KLHL1: variants seen among roughly 807,000 people sequenced by gnomAD.
KLHL1 encodes the protein kelch like family member 1.
KLHL1 carries 47 observed loss-of-function variants against 77.7 expected under a neutral mutation model. The ratio of observed to expected loss-of-function variants is 0.60; its 90% CI spans 0.48 to 0.77. The LOEUF (loss-of-function observed/expected upper bound fraction) is 0.77, where lower values mean the gene tolerates loss of function less well. KLHL1 is among the 30% of genes least tolerant of loss of function. KLHL1 has a pLI of 0.00. For missense variants in KLHL1, 925 were observed against 910.8 expected (o/e 1.02, Z -0.20); for synonymous variants, 360 against 325.2 (o/e 1.11, Z -1.15).
intron 5 of KLHL1, among the ~76,000 whole-genome samples, chr13:69,871,396 A>G (rs1880581139): frequency 1.3e-5 from 2 of 152,110 alleles, no homozygotes; most frequent in Admixed American, 6.6e-5. Context: ...CTTGACTGTT[A>G]GCACCTGGAT....
At chr13:69,862,081 A>T (rs1566338432) in intron 5 of KLHL1, among the ~76,000 whole-genome samples, 1 of 151,954 alleles carries the variant, frequency 6.6e-6, no homozygotes, top group Non-Finnish European at 1.5e-5. Flanking sequence ...TTTACAAAGT[A>T]CAAAATATTT....
chr13:69,855,509 A>AT (rs1879875132), intron 5 of KLHL1, among the ~76,000 whole-genome samples: 1 of 123,218 alleles, frequency 8.1e-6, no homozygotes, highest in Non-Finnish European at 1.7e-5. Flanking sequence ...TAATTTCCAC[A>AT]TATCAAGGGA....
At chr13:69,998,450 G>A (rs1214546647) in intron 1 of KLHL1, among the ~76,000 whole-genome samples, 2 of 151,958 alleles carry the variant, frequency 1.3e-5, no homozygotes, top group African/African-American at 2.4e-5. Flanking sequence ...AATCAACTGT[G>A]ACCCCATTAA....
At chr13:69,944,591 T>C (rs1023782185) in intron 3 of KLHL1, among the ~76,000 whole-genome samples, 10 of 152,196 alleles carry the variant, frequency 6.6e-5, no homozygotes, top group African/African-American at 2.4e-4. Flanking sequence ...TGTAGAGACA[T>C]GCTGTGCTTA....
At chr13:70,052,945 T>C (rs1019272605) in intron 1 of KLHL1, among the ~76,000 whole-genome samples, 2 of 152,050 alleles carry the variant, frequency 1.3e-5, no homozygotes, top group Non-Finnish European at 2.9e-5. Flanking sequence ...TTCCATGATA[T>C]GGACTCATGA....
At chr13:69,811,477 C>A (rs7988036) in intron 6 of KLHL1, among the ~76,000 whole-genome samples, 1,698 of 151,846 alleles carry the variant, frequency 0.011, 35 homozygotes, top group African/African-American at 0.038. Context: ...AGGAATATAT[C>A]TCAAAATAAT....
intron 10 of KLHL1, among the ~76,000 whole-genome samples, chr13:69,702,594 C>A (rs928503962): frequency 6.6e-6 from 1 of 151,536 alleles, no homozygotes; most frequent in African/African-American, 2.4e-5. Context: ...AAATCACATG[C>A]ATTATCTTAT....
intron 8 of KLHL1, among the ~76,000 whole-genome samples, chr13:69,731,903 A>G (rs9542063): frequency 0.052 from 7,989 of 152,188 alleles, 366 homozygotes; most frequent in African/African-American, 0.12. Context: ...AAAACAAAGC[A>G]TGTAGAAGTT....
At chr13:70,039,436 C>T (rs924884257) in intron 1 of KLHL1, among the ~76,000 whole-genome samples, 7 of 151,904 alleles carry the variant, frequency 4.6e-5, no homozygotes, top group African/African-American at 1.7e-4. Flanking sequence ...TTTTGAGTGT[C>T]CTTTCATTAA....
chr13:70,082,037 T>C (rs570510745), intron 1 of KLHL1, among the ~76,000 whole-genome samples: 1 of 151,998 alleles, frequency 6.6e-6, no homozygotes, highest in African/African-American at 2.4e-5. Context: ...GGAGGTCAGG[T>C]TGTTTAAAGT....
intron 1 of KLHL1, among the ~76,000 whole-genome samples, chr13:70,055,772 G>A (rs532738246): frequency 4.6e-5 from 7 of 152,066 alleles, no homozygotes; most frequent in African/African-American, 1.7e-4. Context: ...ATAATATTTT[G>A]TTTGCAAGTC....
chr13:70,032,452 G>A (rs940328610), intron 1 of KLHL1, among the ~76,000 whole-genome samples: 9 of 152,046 alleles, frequency 5.9e-5, no homozygotes, highest in African/African-American at 2.2e-4. Context: ...GAAGAAATGA[G>A]TATAGTGGAT....
chr13:69,919,374 A>C (rs571684716), intron 4 of KLHL1, among the ~76,000 whole-genome samples: 5 of 152,130 alleles, frequency 3.3e-5, no homozygotes, highest in Non-Finnish European at 5.9e-5. Context: ...GGACAGACAT[A>C]AATTTTTCTT....
At chr13:69,718,630 A>T (rs9542041) in intron 9 of KLHL1, among the ~76,000 whole-genome samples, 2 of 152,004 alleles carry the variant, frequency 1.3e-5, no homozygotes, top group African/African-American at 2.4e-5. Flanking sequence ...TATTACCATG[A>T]TCTTACTAAG....
At chr13:69,806,424 A>G (rs1877619767) in intron 6 of KLHL1, among the ~76,000 whole-genome samples, 1 of 152,180 alleles carries the variant, frequency 6.6e-6, no homozygotes, top group Admixed American at 6.6e-5. Flanking sequence ...ACAGAGACAA[A>G]CCAGAGTAAT....
intron 5 of KLHL1, among the ~76,000 whole-genome samples, chr13:69,845,707 T>G (rs1040611390): frequency 6.6e-6 from 1 of 151,518 alleles, no homozygotes; most frequent in Non-Finnish European, 1.5e-5. Flanking sequence ...AAAATGATGA[T>G]AAAATTTAAT....
intron 5 of KLHL1, among the ~76,000 whole-genome samples, chr13:69,864,974 C>T (rs1880315508): frequency 6.6e-6 from 1 of 152,108 alleles, no homozygotes; most frequent in African/African-American, 2.4e-5. Flanking sequence ...AGATAAAGGA[C>T]CTTGCTCTGC....
At chr13:70,038,386 A>G (rs929503751) in intron 1 of KLHL1, among the ~76,000 whole-genome samples, 3 of 152,162 alleles carry the variant, frequency 2.0e-5, no homozygotes. Context: ...TTTTATGTAG[A>G]CATGAGTATT....
chr13:69,968,027 T>G (rs2137279987), intron 2 of KLHL1, among the ~76,000 whole-genome samples: 1 of 152,256 alleles, frequency 6.6e-6, no homozygotes, highest in Non-Finnish European at 1.5e-5. Flanking sequence ...TCCCATGCTA[T>G]ATGTATATAA....
Sources: gnomAD v4.1 joint callset for allele counts (sites outside exome capture counted in the v4.1 genomes callset) on GRCh38, gnomAD v4.1.1 for gene constraint, MANE v1.5 for transcripts, NCBI Gene and HGNC (gene_info 2026-07-23, HGNC 2026-07-21) for gene names.